Variants in SLC30A8 observed in about 807,000 individuals in gnomAD.
SLC30A8 encodes the protein solute carrier family 30 member 8.
Under a neutral mutation model 36.9 loss-of-function variants are expected in SLC30A8, and 27 were observed. The observed-to-expected ratio is 0.73, with a 90% CI of 0.54 to 1.01. The LOEUF is 1.01. Among genes scored for constraint, SLC30A8 ranks in the 50% least tolerant of loss-of-function variants. The probability of loss-of-function intolerance (pLI) is 0.00; values close to 1 mark genes in which losing one functional copy is unlikely to be tolerated. For synonymous variants in SLC30A8, 164 were observed against 172.4 expected, an observed-to-expected ratio of 0.95 and a Z score of 0.38; for missense variants, 439 against 452.0, an observed-to-expected ratio of 0.97 and a Z score of 0.26.
intron 1 of SLC30A8, among the ~76,000 whole-genome samples, chr8:116,999,164 CAA>C (rs949803733): frequency 1.3e-5 from 2 of 152,148 alleles, no homozygotes; most frequent in Non-Finnish European, 2.9e-5. Context: ...GAGGCTGAAA[CAA>C]GAGAATTGCT....
At chr8:117,018,666 C>G (rs907133859) in intron 1 of SLC30A8, among the ~76,000 whole-genome samples, 11 of 115,856 alleles carry the variant, frequency 9.5e-5, no homozygotes, top group African/African-American at 3.0e-4. Flanking sequence ...CTGACTAGCC[C>G]CCCCCCCCCT....
intron 2 of SLC30A8, among the ~76,000 whole-genome samples, chr8:117,069,629 A>C (rs981264313): frequency 6.6e-6 from 1 of 152,234 alleles, no homozygotes; most frequent in Admixed American, 6.5e-5. Flanking sequence ...AACAAACTTA[A>C]ATACATTTTA....
intron 1 of SLC30A8, among the ~76,000 whole-genome samples, chr8:116,965,978 G>T (rs1814587670): frequency 6.6e-6 from 1 of 151,208 alleles, no homozygotes; most frequent in African/African-American, 2.4e-5. Flanking sequence ...CTGCCTCCTG[G>T]GTTCCAGCAA....
chr8:117,101,023 A>G lies in SLC30A8; in HGVS notation c.-225-34257A>G, dbSNP rs79343359. Among the ~76,000 whole-genome samples, 1,072 of 152,290 alleles carry G rather than the reference A, an allele frequency of 7.0e-3. 9 individuals are homozygous for G. The highest frequency in any genetic ancestry group is 0.02 in the Middle Eastern group (6 of 294). On this transcript the variant is annotated intron_variant, in intron 2 of 10. Transcript: ENST00000427715. The stretch of plus-strand genomic sequence containing the variant: ...GTATAGCAAGATGTAGGAGAATGGC[A>G]AGTCAAAGAGTAAATCGATTGATGA...
At chr8:116,953,121 G>A (rs776915250) in intron 1 of SLC30A8, among the ~76,000 whole-genome samples, 1 of 152,056 alleles carries the variant, frequency 6.6e-6, no homozygotes, top group Non-Finnish European at 1.5e-5. Context: ...GAGAACATGT[G>A]GTATTTGGTT....
Position 116,976,653 on chromosome 8 carries a change from C to G in SLC30A8, c.-266+25534C>G, listed in dbSNP as rs1032638649. On this transcript the variant is annotated intron_variant, in intron 1 of 10. Transcript: ENST00000427715. ...CTTCCAGAGGGCAAAGCCAGGAGCG[C>G]AGAGGGCAATTGACAGGGAATCATT... Among the ~76,000 whole-genome samples, 5 of 152,192 alleles carry G rather than the reference C, an allele frequency of 3.3e-5. No individual in the cohort carries two copies. The South Asian group carries it at 1.0e-3, about 32-fold the overall frequency.
chr8:116,951,732 C>T (rs939458216), intron 1 of SLC30A8, among the ~76,000 whole-genome samples: 1 of 152,140 alleles, frequency 6.6e-6, no homozygotes, highest in Non-Finnish European at 1.5e-5. Context: ...CAAATTTGCT[C>T]TCTCTTCCTG....
chr8:117,158,370 T>A (rs1412054160), intron 4 of SLC30A8, among the ~76,000 whole-genome samples: 1 of 152,208 alleles, frequency 6.6e-6, no homozygotes, highest in Non-Finnish European at 1.5e-5. Context: ...TGTATTTACT[T>A]CAGTCCCCAT....
At chr8:117,115,283 G>C (rs1433214553) in intron 2 of SLC30A8, among the ~76,000 whole-genome samples, 1 of 151,952 alleles carries the variant, frequency 6.6e-6, no homozygotes, top group Non-Finnish European at 1.5e-5. Context: ...AGGAGGAACT[G>C]CTCTAGTTGG....
intron 2 of SLC30A8, among the ~76,000 whole-genome samples, chr8:117,087,933 G>A (rs748622494): frequency 6.6e-6 from 1 of 152,082 alleles, no homozygotes; most frequent in Non-Finnish European, 1.5e-5. Context: ...GAGACAGGGA[G>A]GAAAGAAAGA....
rs145069679 is a variant in SLC30A8 at position 117,121,696 on chromosome 8, C to T, written c.-225-13584C>T. Among the ~76,000 whole-genome samples the T allele has an allele frequency of 3.1e-3, 473 of 152,030 alleles. 1 individual carries two copies. Among genetic ancestry groups the T allele is most frequent in the African/African-American group, 0.011 (454 of 41,516 alleles). On this transcript the variant is annotated intron_variant, in intron 2 of 10. Coordinates refer to the SLC30A8 transcript ENST00000427715. ...ACTGTAGCACCTTCCTACACTGCAACATGGATGAACCTTGAAGGCATTCTA... is the reference window on the plus strand; with the variant it reads ...ACTGTAGCACCTTCCTACACTGCAATATGGATGAACCTTGAAGGCATTCTA...
At chr8:116,963,803 A>C (rs1030989158) in intron 1 of SLC30A8, among the ~76,000 whole-genome samples, 1 of 152,140 alleles carries the variant, frequency 6.6e-6, no homozygotes, top group African/African-American at 2.4e-5. Context: ...TCACACAGTA[A>C]TTTTTTATTT....
intron 2 of SLC30A8, among the ~76,000 whole-genome samples, chr8:117,050,174 A>G (rs1156389636): frequency 1.3e-5 from 2 of 152,108 alleles, no homozygotes; most frequent in Non-Finnish European, 2.9e-5. Flanking sequence ...GCCTTGTTCC[A>G]TGACCTAACG....
chr8:117,048,557 T>A (rs1355607026), intron 2 of SLC30A8, among the ~76,000 whole-genome samples: 3 of 152,234 alleles, frequency 2.0e-5, no homozygotes, highest in Non-Finnish European at 4.4e-5. Context: ...GCTTCATTTA[T>A]CACTAGATCC....
chr8:117,084,180 A>G (rs1413823549), intron 2 of SLC30A8, among the ~76,000 whole-genome samples: 1 of 152,122 alleles, frequency 6.6e-6, no homozygotes, highest in East Asian at 1.9e-4. Flanking sequence ...TTATTCTCCC[A>G]AAGCTAATGA....
intron 7 of SLC30A8, among the ~76,000 whole-genome samples, chr8:117,172,108 TG>T (rs761569159): frequency 2.6e-5 from 4 of 152,100 alleles, no homozygotes; most frequent in Non-Finnish European, 5.9e-5. Context: ...GAAAGGTCTG[TG>T]GGGAGCTCTA....
chr8:117,022,892 TA>T (rs1467393437), intron 1 of SLC30A8, among the ~76,000 whole-genome samples: 2 of 152,052 alleles, frequency 1.3e-5, no homozygotes, highest in Non-Finnish European at 2.9e-5. Context: ...CTAATTAAAC[TA>T]AAGAGCTTCT....
At chr8:117,163,657 A>G in intron 6 of SLC30A8, 127 bp downstream of exon 6, 1 of 678,872 alleles carries the variant, frequency 1.5e-6, no homozygotes, top group South Asian at 2.4e-5. Context: ...GTGAAAAGGA[A>G]TTTTTGTGAA....
At chr8:117,106,933 A>G (rs10505314) in intron 2 of SLC30A8, among the ~76,000 whole-genome samples, 25,878 of 152,160 alleles carry the variant, frequency 0.17, 2,328 homozygotes, top group East Asian at 0.21. Flanking sequence ...AAGGAAAACC[A>G]TTCTATCTGC....
Sources: allele counts gnomAD v4.1 joint callset (sites outside exome capture counted in the v4.1 genomes callset), GRCh38; gene constraint gnomAD v4.1.1; transcripts MANE v1.5; gene names NCBI Gene and HGNC (gene_info 2026-07-23, HGNC 2026-07-21).